DAPK1: variants seen among roughly 807,000 people sequenced by gnomAD.
DAPK1 encodes death-associated protein kinase 1.
A neutral mutation model predicts 144.9 loss-of-function variants in DAPK1; 56 were observed. The ratio of observed to expected loss-of-function variants is 0.39; its 90% CI spans 0.31 to 0.48. The LOEUF (loss-of-function observed/expected upper bound fraction) is 0.48, where lower values mean the gene tolerates loss of function less well. Ranked by LOEUF, DAPK1 falls within the 20% of genes least tolerant of loss-of-function variation. The pLI is 0.95. For synonymous variants in DAPK1, 690 were observed against 749.0 expected, an observed-to-expected ratio of 0.92 and a Z score of 1.29; for missense variants, 1,454 against 1,875.4, an observed-to-expected ratio of 0.78 and a Z score of 4.15.
chr9:87,552,333 G>A (rs5003487), intron 2 of DAPK1, among the ~76,000 whole-genome samples: 30 of 90,944 alleles, frequency 3.3e-4, no homozygotes, highest in Middle Eastern at 5.0e-3. Flanking sequence ...GAGGACAAGG[G>A]AGGGATATCT....
Position 87,637,932 on chromosome 9 carries a change from C to T in DAPK1, c.285-11C>T, listed in dbSNP as rs376493487. The T allele has an allele frequency of 1.5e-5, 24 of 1,612,314 alleles. No individual in the cohort carries two copies. In the Admixed American group the frequency reaches 1.7e-4, roughly 11 times the overall value. On this transcript the variant is annotated splice_polypyrimidine_tract_variant and intron_variant, in intron 3 of 25. Coordinates refer to ENST00000408954, the MANE Select transcript of DAPK1 (RefSeq NM_004938.4). ...AGTTGTTACCAATAACCTCTGCTTC[C>T]GGGTTCTCAGCGTTGCAGGTGGCGA...
chr9:87,503,791 A>G (rs558079042), intron 2 of DAPK1, among the ~76,000 whole-genome samples: 1 of 152,348 alleles, frequency 6.6e-6, no homozygotes, highest in African/African-American at 2.4e-5. Flanking sequence ...GTGGCTGAAC[A>G]GTAATGAGCA....
intron 2 of DAPK1, among the ~76,000 whole-genome samples, chr9:87,520,577 T>A (rs1321645754): frequency 6.6e-6 from 1 of 152,132 alleles, no homozygotes; most frequent in Non-Finnish European, 1.5e-5. Context: ...TCCGCCACTT[T>A]GGGGGGATGA....
At chr9:87,673,271 G>T (rs1207647766) in intron 19 of DAPK1, among the ~76,000 whole-genome samples, 1 of 152,200 alleles carries the variant, frequency 6.6e-6, no homozygotes. Context: ...CTGGGGAGAG[G>T]TCTGTATCTG....
chr9:87,653,644 A>G (rs1830535222), intron 17 of DAPK1, among the ~76,000 whole-genome samples: 1 of 151,994 alleles, frequency 6.6e-6, no homozygotes, highest in Non-Finnish European at 1.5e-5. Context: ...ATTTGATCCC[A>G]GGACTGTATT....
intron 2 of DAPK1, among the ~76,000 whole-genome samples, chr9:87,517,202 C>A (rs1432061810): frequency 6.6e-6 from 1 of 151,910 alleles, no homozygotes; most frequent in Non-Finnish European, 1.5e-5. Flanking sequence ...AAGGGGCATC[C>A]ACTTAGTGGG....
chr9:87,526,971 A>G (rs2118310039), intron 2 of DAPK1, among the ~76,000 whole-genome samples: 1 of 152,322 alleles, frequency 6.6e-6, no homozygotes, highest in Non-Finnish European at 1.5e-5. Flanking sequence ...ATTTCTTCCC[A>G]TTAGCAGTGG....
At chr9:87,587,375 A>G (rs1203241634) in intron 2 of DAPK1, among the ~76,000 whole-genome samples, 2 of 152,232 alleles carry the variant, frequency 1.3e-5, no homozygotes, top group Admixed American at 1.3e-4. Context: ...CTTATATAGA[A>G]TAAGTACTGG....
intron 2 of DAPK1, among the ~76,000 whole-genome samples, chr9:87,596,438 A>T (rs1157985469): frequency 2.0e-5 from 3 of 152,226 alleles, no homozygotes; most frequent in African/African-American, 7.2e-5. Flanking sequence ...CAGCCAGAAC[A>T]CTGAAGGCAT....
rs752014007 is a variant in DAPK1 at position 87,703,215 on chromosome 9, G to A, written c.3058G>A (p.Glu1020Lys). Reference protein sequence around the residue: ...RIAQQLHSTGEINIMQSETVQ... With the variant: ...RIAQQLHSTGKINIMQSETVQ... ...TGCTCAGCAGCTCCACAGCACAGGC[G>A]AGGTGAGCCCCTGGGAGCCCAGGCA... The change falls in exon 25 of 26, where the codon GAG (glutamate) becomes AAG (lysine). Residue 1020 changes from glutamate (E) to lysine (K), a missense_variant and splice_region_variant. Glu to Lys is a moderately conservative substitution (Grantham distance 56). Around this residue, in one of 2 missense-constraint regions of DAPK1, gnomAD observed 1,025 missense variants for 1,237.9 expected, o/e 0.83. Coordinates refer to ENST00000408954, the MANE Select transcript of DAPK1 (RefSeq NM_004938.4). 4 of 1,601,320 alleles carry A rather than the reference G, an allele frequency of 2.5e-6. No homozygotes were observed. The highest frequency in any genetic ancestry group is 2.2e-5 in the East Asian group (1 of 44,760).
chr9:87,584,151 A>G (rs1179716758), intron 2 of DAPK1, among the ~76,000 whole-genome samples: 1 of 152,228 alleles, frequency 6.6e-6, no homozygotes, highest in Non-Finnish European at 1.5e-5. Context: ...TTAACTAATT[A>G]ATGTATGCAT....
In DAPK1 at chr9:87,680,480, C is replaced by T. The variant is rs566181850; in HGVS notation, c.2002-924C>T. 6.6e-5 allele frequency among the ~76,000 whole-genome samples: 10 copies of T among 152,288 alleles called. No homozygotes were observed. The South Asian group carries it at 2.1e-3, about 32-fold the overall frequency. ...AAAGTGATGGTAGATATTTTTAATA[C>T]TCACATACAGGTGACATTGCCATGA... On this transcript the variant is annotated intron_variant, in intron 19 of 25. Transcript: ENST00000408954.
Position 87,643,747 on chromosome 9 carries a change from G to A in DAPK1, c.1011+279G>A, listed in dbSNP as rs141639725. Among the ~76,000 whole-genome samples the A allele has an allele frequency of 4.1e-3, 619 of 151,554 alleles. 5 individuals carry two copies. The highest frequency in any genetic ancestry group is 0.031 in the Middle Eastern group (9 of 294). ...GCAAACATAAGCACAGACCACCCCCGCAACACACACACATACACACATGCA... is the reference window on the plus strand; with the variant it reads ...GCAAACATAAGCACAGACCACCCCCACAACACACACACATACACACATGCA... On this transcript the variant is annotated intron_variant, in intron 11 of 25. Coordinates refer to ENST00000408954, the MANE Select transcript of DAPK1 (RefSeq NM_004938.4).
At chr9:87,559,580 C>T (rs114438151) in intron 2 of DAPK1, among the ~76,000 whole-genome samples, 260 of 152,282 alleles carry the variant, frequency 1.7e-3, no homozygotes, top group African/African-American at 5.9e-3. Context: ...CCTCCCAGGA[C>T]GCTCTCAAAA....
chr9:87,680,643 A>G (rs900558311), intron 19 of DAPK1, among the ~76,000 whole-genome samples: 1 of 124,038 alleles, frequency 8.1e-6, no homozygotes, highest in Non-Finnish European at 1.9e-5. Flanking sequence ...GGGGTCACAC[A>G]CACACACACG....
chr9:87,572,899 G>A (rs1003889021), intron 2 of DAPK1, among the ~76,000 whole-genome samples: 20 of 152,256 alleles, frequency 1.3e-4, no homozygotes, highest in African/African-American at 2.2e-4. Context: ...CCCATGCTGC[G>A]GCCCACAGAA....
In DAPK1 at chr9:87,675,848, T is replaced by TACACACACACACACACACACACACAC. The variant is rs763359644; in HGVS notation, c.2002-5533_2002-5508dup. On this transcript the variant is annotated intron_variant, in intron 19 of 25. Transcript: ENST00000408954. ...TAATACAGGTAAATACATTCTACCC[T>TACACACACACACACACACACACACAC]ACACACACACACACACACACACACA... Among the ~76,000 whole-genome samples the TACACACACACACACACACACACACAC allele has an allele frequency of 7.2e-4, 85 of 117,344 alleles. 1 individual carries two copies. The highest frequency in any genetic ancestry group is 2.2e-3 in the African/African-American group (60 of 26,766). 77.0% of individuals were successfully genotyped at this position (117,344 alleles called of 152,430 possible).
chr9:87,668,335 T>C, intron 18 of DAPK1: 4 of 466,162 alleles, frequency 8.6e-6, no homozygotes, highest in Non-Finnish European at 1.2e-5. Context: ...TGATTAAACC[T>C]GTGGACCTGA....
intron 2 of DAPK1, among the ~76,000 whole-genome samples, chr9:87,586,505 A>G (rs954401037): frequency 7.9e-5 from 12 of 152,238 alleles, no homozygotes; most frequent in Non-Finnish European, 1.8e-4. Flanking sequence ...TGAAGATTAC[A>G]TAACTATAAC....
Sources: allele counts gnomAD v4.1 joint callset (sites outside exome capture counted in the v4.1 genomes callset), GRCh38; gene constraint gnomAD v4.1.1; regional missense constraint gnomAD v4.1.1; transcripts MANE v1.5; gene names NCBI Gene and HGNC (gene_info 2026-07-23, HGNC 2026-07-21).